MAN2B1: variants seen among roughly 807,000 people sequenced by gnomAD.
MAN2B1 encodes mannosidase alpha class 2B member 1.
Under a neutral mutation model 127.5 loss-of-function variants are expected in MAN2B1, and 99 were observed. The observed-to-expected ratio is 0.78, with a 90% CI of 0.66 to 0.92. MAN2B1 has a LOEUF of 0.92. MAN2B1 is among the 40% of genes least tolerant of loss of function. The pLI is 0.00. For missense variants in MAN2B1, 1,304 were observed against 1,384.8 expected (o/e 0.94, Z 0.93); for synonymous variants, 573 against 568.8 (o/e 1.01, Z -0.11).
At chr19:12,656,356 CAA>C (rs372686781) in intron 13 of MAN2B1, 15,518 of 373,564 alleles carry the variant, frequency 0.042, no homozygotes, top group South Asian at 0.052. Flanking sequence ...GACTCCGTCT[CAA>C]AAAAAAAAAA....
chr19:12,649,899 C>T lies in MAN2B1; in HGVS notation c.2267+14G>A. ...CCACAGACCACCCCCTCAGTGCTCT[C>T]AGTCACCCCCCACCTCCTCTCCAGG... is the stretch of plus-strand genomic sequence containing the variant. On this transcript the variant is annotated intron_variant, in intron 18 of 23. Coordinates refer to ENST00000456935, the MANE Select transcript of MAN2B1 (RefSeq NM_000528.4). 1 of 1,600,478 alleles carries T rather than the reference C, an allele frequency of 6.2e-7. No individual in the cohort carries two copies. The highest frequency in any genetic ancestry group is 8.6e-7 in the Non-Finnish European group (1 of 1,168,970).
At chr19:12,652,884 G>C (rs2145241945) in intron 14 of MAN2B1, among the ~76,000 whole-genome samples, 1 of 151,962 alleles carries the variant, frequency 6.6e-6, no homozygotes, top group South Asian at 2.1e-4. Flanking sequence ...GCCCAGGCTG[G>C]AGTGCAGGGG....
chr19:12,662,718 C>T (rs753343941), intron 6 of MAN2B1, among the ~76,000 whole-genome samples: 2 of 151,926 alleles, frequency 1.3e-5, no homozygotes, highest in African/African-American at 4.8e-5. Context: ...GAGGTTGAGG[C>T]GGGCAGATCA....
intron 3 of MAN2B1, 60 bp from the exon 4 acceptor site, chr19:12,665,045 G>T: frequency 6.9e-7 from 1 of 1,459,342 alleles, no homozygotes; most frequent in Non-Finnish European, 9.5e-7. Flanking sequence ...GAGTAGGGTG[G>T]GTGATACTGG....
At position 12,659,297 on chromosome 19, in the gene MAN2B1, C is replaced by CT. The variant is rs34781385; in HGVS notation, c.1027-788dup. Among the ~76,000 whole-genome samples the CT allele has an allele frequency of 5.6e-3, 637 of 113,906 alleles. 5 individuals carry two copies. Among genetic ancestry groups the CT allele is most frequent in the South Asian group, 0.025 (85 of 3,450 alleles). The allele number at this position is 113,906 out of a possible 152,430, so 74.7% of individuals were successfully genotyped here. On this transcript the variant is annotated intron_variant, in intron 7 of 23. Transcript: ENST00000456935. ...ATGTACACAGTAGGTGCTCAATAAA[C>CT]TTTTTTTTTTTTTTTTTTTTTTGAG...
intron 4 of MAN2B1, 129 bp downstream of exon 4, chr19:12,664,663 C>CAGGG (rs1599358265): frequency 2.0e-6 from 2 of 991,274 alleles, no homozygotes; most frequent in East Asian, 5.2e-5. Context: ...ACTCAAGGGG[C>CAGGG]AGGGCTTCAA....
In MAN2B1 at chr19:12,647,718, G is replaced by A; in HGVS notation, c.2665-120C>T. On this transcript the variant is annotated intron_variant, in intron 21 of 23. Coordinates refer to ENST00000456935, the MANE Select transcript of MAN2B1 (RefSeq NM_000528.4). This position sits in a 1 kb window ranked among gnomAD's most constrained non-coding sequence, Gnocchi z 4.9. ...AGGGGCGGGGTTTCGCCGGAGAGGGGCAAGGCTCAGCCGAGAGGAGCGGCC... is the reference window on the plus strand; with the variant it reads ...AGGGGCGGGGTTTCGCCGGAGAGGGACAAGGCTCAGCCGAGAGGAGCGGCC... 2.5e-6 allele frequency: 2 copies of A among 800,288 alleles called. No individual in the cohort carries two copies. The highest frequency in any genetic ancestry group is 2.0e-6 in the Non-Finnish European group (1 of 509,270). The allele number at this position is 800,288 out of a possible 1,614,324, so 49.6% of individuals were successfully genotyped here.
rs765269491 is a variant in MAN2B1 at position 12,647,460 on chromosome 19, C to T, written c.2803G>A (p.Val935Ile). Residue 935 changes from valine to isoleucine, a missense_variant, in exon 22 of 24, where the codon GTT (valine) becomes ATT (isoleucine). Coordinates refer to ENST00000456935, the MANE Select transcript of MAN2B1 (RefSeq NM_000528.4). This position sits in a 1 kb window ranked among gnomAD's most constrained non-coding sequence, Gnocchi z 4.9. ...CTTCTCACCCTCAAGTTCAAGGTAACGGGGGCGCTCAGGTTACGTCCGGAA... is the reference window on the plus strand; with the variant it reads ...CTTCTCACCCTCAAGTTCAAGGTAATGGGGGCGCTCAGGTTACGTCCGGAA... ...EDSGRNLSAPVTLNLRDLFST... is the reference protein window; with the variant it reads ...EDSGRNLSAPITLNLRDLFST... 1.2e-6 allele frequency: 2 copies of T among 1,614,210 alleles called. No individual in the cohort carries two copies. The highest frequency in any genetic ancestry group is 3.3e-5 in the Admixed American group (2 of 60,018).
chr19:12,658,476 G>A lies in MAN2B1; in HGVS notation c.1061C>T (p.Ser354Phe), dbSNP rs763212459. The change falls in exon 8 of 24, where the codon TCC becomes TTC. Residue 354 changes from serine to phenylalanine, a missense_variant. Coordinates refer to ENST00000456935, the MANE Select transcript of MAN2B1 (RefSeq NM_000528.4). Reference protein sequence around the residue: ...AKGSSVHVLYSTPACYLWELN... With the variant: ...AKGSSVHVLYFTPACYLWELN... ...CTCCCAGAGGTAACAAGCGGGGGTGGAGTAGAGAACATGGACACTGCTTCC... is the reference window on the plus strand; with the variant it reads ...CTCCCAGAGGTAACAAGCGGGGGTGAAGTAGAGAACATGGACACTGCTTCC... 1 of 1,614,084 alleles carries A rather than the reference G, an allele frequency of 6.2e-7. No individual in the cohort carries two copies.
chr19:12,664,752 T>C, intron 4 of MAN2B1, 40 bp downstream of exon 4: 1 of 1,589,978 alleles, frequency 6.3e-7, no homozygotes, highest in Non-Finnish European at 8.6e-7. Flanking sequence ...GGAGCCAGAG[T>C]GAGTGAAGAA....
In MAN2B1 at chr19:12,647,631, G is replaced by C. The variant is rs202009691; in HGVS notation, c.2665-33C>G. ...AGAGAGGGCGGGGCTGAGTTGGAGAGGGGCGGGGCCTGGATGGAGAAGGGC... is the reference window on the plus strand; with the variant it reads ...AGAGAGGGCGGGGCTGAGTTGGAGACGGGCGGGGCCTGGATGGAGAAGGGC... On this transcript the variant is annotated intron_variant, in intron 21 of 23. Coordinates refer to ENST00000456935, the MANE Select transcript of MAN2B1 (RefSeq NM_000528.4). This position sits in a 1 kb window ranked among gnomAD's most constrained non-coding sequence, Gnocchi z 4.9. 3 of 1,596,062 alleles carry C rather than the reference G, an allele frequency of 1.9e-6. No homozygotes were observed. The highest frequency in any genetic ancestry group is 3.4e-5 in the Admixed American group (2 of 59,302).
Position 12,663,391 on chromosome 19 carries a change from C to T in MAN2B1, c.835G>A (p.Val279Met). 1 of 1,614,038 alleles carries T rather than the reference C, an allele frequency of 6.2e-7. No homozygotes were observed. The highest frequency in any genetic ancestry group is 1.3e-5 in the African/African-American group (1 of 75,014). Residue 279 changes from valine (V) to methionine (M), a missense_variant, in exon 6 of 24, where the codon GTG becomes ATG. Val to Met is a conservative substitution (Grantham distance 21). Coordinates refer to ENST00000456935, the MANE Select transcript of MAN2B1 (RefSeq NM_000528.4). ...WDVLCVDQPL[V>M]EDPRSPEYNA... ...TACTCGGGGCTGCGAGGGTCCTCCA[C>T]CAGCGGCTGATCGACACACAGCACA...
intron 14 of MAN2B1, among the ~76,000 whole-genome samples, chr19:12,653,870 C>T (rs949317736): frequency 6.6e-6 from 1 of 151,802 alleles, no homozygotes; most frequent in African/African-American, 2.4e-5. Context: ...AAGTGTGTAC[C>T]ACCACGCCCA....
intron 12 of MAN2B1, 40 bp downstream of exon 12, chr19:12,656,909 G>T: frequency 1.3e-6 from 2 of 1,497,214 alleles, no homozygotes; most frequent in Non-Finnish European, 9.3e-7. Flanking sequence ...CCCCTCTAAA[G>T]CCCATCTGCC....
chr19:12,656,940 C>T lies in MAN2B1; in HGVS notation c.1527+9G>A. On this transcript the variant is annotated intron_variant, in intron 12 of 23. Coordinates refer to ENST00000456935, the MANE Select transcript of MAN2B1 (RefSeq NM_000528.4). ...CTGCCCTAGATCCACCCCTCCCGTC[C>T]CGGCTCACGCGCGCCGCCGTCTGGC... 1 of 1,610,368 alleles carries T rather than the reference C, an allele frequency of 6.2e-7. No homozygotes were observed. The highest frequency in any genetic ancestry group is 1.1e-5 in the South Asian group (1 of 90,908).
intron 20 of MAN2B1, 127 bp downstream of exon 20, chr19:12,649,005 AAAAG>A: frequency 1.3e-6 from 1 of 767,736 alleles, no homozygotes; most frequent in Admixed American, 2.1e-5. Flanking sequence ...CAAAGAGAAG[AAAAG>A]AAAGAAACGG....
chr19:12,653,831 G>A (rs2023896872), intron 14 of MAN2B1, among the ~76,000 whole-genome samples: 1 of 151,806 alleles, frequency 6.6e-6, no homozygotes, highest in African/African-American at 2.4e-5. Context: ...TGATTCTCCT[G>A]CCTCTCCCTC....
intron 16 of MAN2B1, 40 bp from the exon 17 acceptor site, chr19:12,650,262 G>T: frequency 7.8e-7 from 1 of 1,275,688 alleles, no homozygotes; most frequent in South Asian, 1.2e-5. Context: ...GTCTGTACCT[G>T]AGCAGAGGTG....
At chr19:12,648,108 C>T (rs2023738377) in intron 21 of MAN2B1, 67 bp downstream of exon 21, 17 of 1,438,902 alleles carry the variant, frequency 1.2e-5, no homozygotes, top group Middle Eastern at 4.8e-4. Context: ...TAGGAAACTC[C>T]GCACCCAAAC....
Sources: gnomAD v4.1 joint callset for allele counts (sites outside exome capture counted in the v4.1 genomes callset) on GRCh38, gnomAD v4.1.1 for gene constraint, Gnocchi (gnomAD v3.1) non-coding constraint, MANE v1.5 for transcripts, NCBI Gene and HGNC (gene_info 2026-07-23, HGNC 2026-07-21) for gene names.